The following ARID1B variants were observed in gnomAD, a reference collection of about 807,000 sequenced individuals.
ARID1B encodes AT-rich interactive domain-containing protein 1B.
Under a neutral mutation model 212.3 loss-of-function variants are expected in ARID1B, and 30 were observed. The ratio of observed to expected loss-of-function variants is 0.14; its 90% CI spans 0.11 to 0.19. The LOEUF is 0.19. Among genes scored for constraint, ARID1B ranks in the 10% least tolerant of loss-of-function variants. ARID1B has a pLI of 1.00. For synonymous variants in ARID1B, 1,402 were observed against 1,301.7 expected, an observed-to-expected ratio of 1.08 and a Z score of -1.66; for missense variants, 2,891 against 3,204.0, an observed-to-expected ratio of 0.90 and a Z score of 2.36.
At chr6:156,985,929 A>C (rs990545664) in intron 4 of ARID1B, among the ~76,000 whole-genome samples, 3 of 152,238 alleles carry the variant, frequency 2.0e-5, no homozygotes, top group Non-Finnish European at 4.4e-5. Context: ...AAGCTGAAGC[A>C]GAACCTTTAC....
At chr6:157,060,800 T>G (rs909800759) in intron 4 of ARID1B, among the ~76,000 whole-genome samples, 2 of 152,180 alleles carry the variant, frequency 1.3e-5, no homozygotes, top group Admixed American at 6.5e-5. Flanking sequence ...TGCTATTTTT[T>G]CCTTCTCAGC....
chr6:157,169,262 C>G (rs866768405), intron 9 of ARID1B: 3 of 152,286 alleles, frequency 2.0e-5, no homozygotes, highest in South Asian at 2.1e-4. Flanking sequence ...CAAATGATGG[C>G]CAGGTCTGGT....
chr6:157,110,590 C>T, intron 6 of ARID1B, 29 bp downstream of exon 6: 1 of 1,606,156 alleles, frequency 6.2e-7, no homozygotes, highest in Non-Finnish European at 8.5e-7. Flanking sequence ...TCTTACATGC[C>T]TATAGTGCTT....
chr6:157,098,311 C>T (rs771248827), intron 5 of ARID1B, among the ~76,000 whole-genome samples: 1 of 152,156 alleles, frequency 6.6e-6, no homozygotes, highest in Non-Finnish European at 1.5e-5. Context: ...TCAGAACCTA[C>T]CTCTTTTCTT....
Position 157,210,228 on chromosome 6 carries a change from A to G in ARID1B, c.*2337A>G. The G allele has an allele frequency of 4.3e-6, 1 of 231,568 alleles. No individual in the cohort carries two copies. The allele number at this position is 231,568 out of a possible 1,614,324, so 14.3% of individuals were successfully genotyped here. A position where few individuals can be genotyped will look rare whatever the true frequency, so the allele number is the denominator to read the frequency against. On this transcript the variant is annotated 3_prime_UTR_variant, in exon 20 of 20. Transcript: ENST00000636930. ...CCATTTATAATTCTGCTTTAAATAC[A>G]TCTGCTTGCTAAGAACAGATTTCAG...
chr6:156,801,194 ATCT>A (rs1478521146), intron 1 of ARID1B, among the ~76,000 whole-genome samples: 1 of 143,166 alleles, frequency 7.0e-6, no homozygotes, highest in Non-Finnish European at 1.5e-5. Context: ...ATCTTGAATA[ATCT>A]TTTTTTTTTT....
intron 4 of ARID1B, among the ~76,000 whole-genome samples, chr6:156,963,476 G>T (rs1794537785): frequency 6.6e-6 from 1 of 152,116 alleles, no homozygotes; most frequent in Non-Finnish European, 1.5e-5. Flanking sequence ...AGTTGCGTAG[G>T]TCATTTTAAA....
At chr6:157,045,191 A>G (rs181002531) in intron 4 of ARID1B, among the ~76,000 whole-genome samples, 6 of 152,316 alleles carry the variant, frequency 3.9e-5, no homozygotes, top group Non-Finnish European at 4.4e-5. Flanking sequence ...AAACAGGGTC[A>G]TGAAATTTGA....
chr6:156,947,817 T>C (rs1319498160), intron 4 of ARID1B, among the ~76,000 whole-genome samples: 2 of 152,198 alleles, frequency 1.3e-5, no homozygotes, highest in African/African-American at 4.8e-5. Context: ...ATGAAACATA[T>C]TACAGTTGCC....
At chr6:157,015,508 T>G (rs1779873104) in intron 4 of ARID1B, among the ~76,000 whole-genome samples, 1 of 152,194 alleles carries the variant, frequency 6.6e-6, no homozygotes, top group Non-Finnish European at 1.5e-5. Context: ...CCATATCTGA[T>G]ATTCTCCTGG....
chr6:157,001,801 G>T (rs1778929065), intron 4 of ARID1B, among the ~76,000 whole-genome samples: 2 of 152,222 alleles, frequency 1.3e-5, no homozygotes, highest in Admixed American at 6.5e-5. Flanking sequence ...AGAAGGTGGA[G>T]CCTATGGCAG....
chr6:156,994,448 C>T (rs1490343168), intron 4 of ARID1B, among the ~76,000 whole-genome samples: 1 of 151,820 alleles, frequency 6.6e-6, no homozygotes. Flanking sequence ...TACGAGGCTC[C>T]GTTATTGATT....
intron 5 of ARID1B, among the ~76,000 whole-genome samples, chr6:157,105,666 A>G (rs887113119): frequency 6.6e-6 from 1 of 152,030 alleles, no homozygotes; most frequent in Non-Finnish European, 1.5e-5. Flanking sequence ...CAGTGGTGCA[A>G]TCTCGGCTCA....
At chr6:156,945,926 T>G (rs1793089855) in intron 4 of ARID1B, among the ~76,000 whole-genome samples, 1 of 152,050 alleles carries the variant, frequency 6.6e-6, no homozygotes, top group Admixed American at 6.5e-5. Context: ...GGAGGATGGC[T>G]TGAGCCTGAG....
intron 18 of ARID1B, among the ~76,000 whole-genome samples, chr6:157,202,311 G>T (rs1053613822): frequency 6.6e-6 from 1 of 152,138 alleles, no homozygotes; most frequent in Non-Finnish European, 1.5e-5. Flanking sequence ...TAATAGATCT[G>T]AGTTATATTA....
At chr6:156,964,073 C>T (rs1405359913) in intron 4 of ARID1B, among the ~76,000 whole-genome samples, 1 of 152,240 alleles carries the variant, frequency 6.6e-6, no homozygotes, top group Non-Finnish European at 1.5e-5. Flanking sequence ...AAGGATTCTG[C>T]CCCTTGGCCT....
intron 3 of ARID1B, among the ~76,000 whole-genome samples, chr6:156,929,880 A>G (rs564852422): frequency 4.6e-5 from 7 of 150,658 alleles, no homozygotes; most frequent in Non-Finnish European, 8.8e-5. Context: ...TTCCTCCATC[A>G]TCTGTTAGTT....
At chr6:156,924,578 G>A (rs1050104491) in intron 3 of ARID1B, among the ~76,000 whole-genome samples, 1 of 152,166 alleles carries the variant, frequency 6.6e-6, no homozygotes, top group Non-Finnish European at 1.5e-5. Flanking sequence ...ATCCAGGCGG[G>A]CAATTTAAAA....
chr6:157,137,902 A>AT (rs201070874), intron 7 of ARID1B, among the ~76,000 whole-genome samples: 40 of 150,466 alleles, frequency 2.7e-4, no homozygotes, highest in East Asian at 1.7e-3. Context: ...GGGTTTAAAG[A>AT]TTTTTTTTTT....
Sources: gnomAD v4.1 joint callset for allele counts (sites outside exome capture counted in the v4.1 genomes callset) on GRCh38, gnomAD v4.1.1 for gene constraint, MANE v1.5 for transcripts, NCBI Gene and HGNC (gene_info 2026-07-23, HGNC 2026-07-21) for gene names.